CDK15: variants seen among roughly 807,000 people sequenced by gnomAD.
CDK15 encodes cyclin dependent kinase 15.
CDK15 carries 62 observed loss-of-function variants against 60.3 expected under a neutral mutation model. The observed-to-expected ratio is 1.03, with a 90% CI of 0.84 to 1.27. CDK15 has a LOEUF of 1.27. Among genes scored for constraint, CDK15 ranks in the 50% most tolerant of loss-of-function variants. CDK15 has a pLI of 0.00. For synonymous variants in CDK15, 194 were observed against 195.7 expected (o/e 0.99, Z 0.07); for missense variants, 541 against 527.8 (o/e 1.03, Z -0.25).
At chr2:201,875,729 T>A (rs1344445249) in intron 11 of CDK15, among the ~76,000 whole-genome samples, 1 of 152,242 alleles carries the variant, frequency 6.6e-6, no homozygotes, top group Non-Finnish European at 1.5e-5. Context: ...GATCCCATTT[T>A]TTTGTAAAAC....
chr2:201,826,728 G>A (rs1696526230), intron 6 of CDK15, among the ~76,000 whole-genome samples: 1 of 152,140 alleles, frequency 6.6e-6, no homozygotes, highest in Non-Finnish European at 1.5e-5. Flanking sequence ...TGAAATAAAT[G>A]GATGAGAAGA....
In CDK15 at chr2:201,810,884, G is replaced by A. The variant is rs1275438200; in HGVS notation, c.369-1599G>A. The stretch of plus-strand genomic sequence containing the variant: ...TTCTCAGATGGAGTCTCACTCTGTC[G>A]CCCAGGCTGGGGTGCAGTGGCGCAA... On this transcript the variant is annotated intron_variant, in intron 3 of 13. Transcript: ENST00000652192. Among the ~76,000 whole-genome samples the A allele has an allele frequency of 2.1e-4, 29 of 139,436 alleles. 1 individual carries two copies. The highest frequency in any genetic ancestry group is 6.1e-4 in the African/African-American group (22 of 36,220). 91.5% of individuals were successfully genotyped at this position (139,436 alleles called of 152,430 possible). A position where few individuals can be genotyped will look rare whatever the true frequency, so the allele number is the denominator to read the frequency against.
At chr2:201,889,338 A>T in intron 12 of CDK15, 1 of 985,280 alleles carries the variant, frequency 1.0e-6, no homozygotes, top group Non-Finnish European at 1.2e-6. Context: ...AATTTTGCGG[A>T]TGTGCTTTGG....
intron 8 of CDK15, among the ~76,000 whole-genome samples, chr2:201,843,145 A>C (rs1365347715): frequency 6.6e-6 from 1 of 152,226 alleles, no homozygotes; most frequent in Non-Finnish European, 1.5e-5. Context: ...ATTAAAAAAA[A>C]GAAACAGTTC....
At chr2:201,820,030 C>T (rs1397667018) in intron 4 of CDK15, among the ~76,000 whole-genome samples, 1 of 151,976 alleles carries the variant, frequency 6.6e-6, no homozygotes, top group Non-Finnish European at 1.5e-5. Flanking sequence ...ACAAATCATG[C>T]CATCATGATT....
intron 6 of CDK15, chr2:201,824,693 AC>A: frequency 2.5e-6 from 1 of 395,418 alleles, no homozygotes; most frequent in Non-Finnish European, 4.4e-6. Flanking sequence ...GGAATGGTGA[AC>A]CCAAGAGCCA....
intron 6 of CDK15, among the ~76,000 whole-genome samples, chr2:201,827,669 C>A (rs978426275): frequency 3.9e-5 from 6 of 152,156 alleles, no homozygotes; most frequent in African/African-American, 7.2e-5. Flanking sequence ...TGCAATGGTG[C>A]AGTCATGGCT....
chr2:201,836,190 T>TA lies in CDK15; in HGVS notation c.851+427_851+428insA, dbSNP rs372692228. ...TATATTTATATATTATATATATTTT[T>TA]TTATATATATATATATGTATTTTTT... is the stretch of plus-strand genomic sequence containing the variant. On this transcript the variant is annotated intron_variant, in intron 8 of 13. Coordinates refer to ENST00000652192, the MANE Select transcript of CDK15 (RefSeq NM_001366386.2). Among the ~76,000 whole-genome samples, 438 of 74,692 alleles carry TA rather than the reference T, an allele frequency of 5.9e-3. 6 individuals are homozygous for TA. The highest frequency in any genetic ancestry group is 0.01 in the South Asian group (27 of 2,632). The allele number at this position is 74,692 out of a possible 152,430, so 49.0% of individuals were successfully genotyped here.
intron 11 of CDK15, among the ~76,000 whole-genome samples, chr2:201,878,342 T>C (rs1699157528): frequency 6.6e-6 from 1 of 152,194 alleles, no homozygotes. Flanking sequence ...GCCAGCCAAC[T>C]GGCCTTGATT....
intron 11 of CDK15, among the ~76,000 whole-genome samples, chr2:201,873,007 C>A (rs1698916322): frequency 6.6e-6 from 1 of 152,142 alleles, no homozygotes. Flanking sequence ...GGGAAACGAG[C>A]TCAAATGTCA....
intron 11 of CDK15, among the ~76,000 whole-genome samples, chr2:201,874,757 T>C (rs1181851860): frequency 1.3e-5 from 2 of 152,206 alleles, no homozygotes; most frequent in Non-Finnish European, 2.9e-5. Flanking sequence ...ACTTTTTAGA[T>C]TGATTGGCAA....
intron 9 of CDK15, among the ~76,000 whole-genome samples, chr2:201,850,444 A>G (rs912453764): frequency 1.3e-5 from 2 of 152,126 alleles, no homozygotes; most frequent in African/African-American, 4.8e-5. Context: ...AGGACTCACA[A>G]TGGGCTAGGT....
intron 9 of CDK15, among the ~76,000 whole-genome samples, chr2:201,849,249 A>T (rs1697801148): frequency 6.6e-6 from 1 of 152,234 alleles, no homozygotes; most frequent in Non-Finnish European, 1.5e-5. Context: ...TAAATGCTCA[A>T]TAGATGCTTG....
At chr2:201,870,024 G>T (rs1311053086) in intron 10 of CDK15, among the ~76,000 whole-genome samples, 1 of 152,170 alleles carries the variant, frequency 6.6e-6, no homozygotes, top group Non-Finnish European at 1.5e-5. Context: ...GCCCACCTGG[G>T]ACTATAAAAT....
chr2:201,887,495 GT>G (rs1276173152), intron 12 of CDK15, among the ~76,000 whole-genome samples: 1 of 152,088 alleles, frequency 6.6e-6, no homozygotes, highest in African/African-American at 2.4e-5. Context: ...AAGGACCTGA[GT>G]TTTCTTCTTT....
At chr2:201,847,928 C>T (rs1559133197) in intron 9 of CDK15, among the ~76,000 whole-genome samples, 2 of 152,054 alleles carry the variant, frequency 1.3e-5, no homozygotes, top group African/African-American at 4.8e-5. Context: ...CCCAGGAGTT[C>T]GAGACCAGCC....
intron 12 of CDK15, chr2:201,888,702 C>G (rs1699544520): frequency 7.6e-7 from 1 of 1,308,154 alleles, no homozygotes; most frequent in South Asian, 2.1e-5. Flanking sequence ...CCAGCATGTT[C>G]TGCCAGATAG....
In CDK15 at chr2:201,860,968, G is replaced by C. The variant is rs537210412; in HGVS notation, c.1009+6031G>C. The C allele has an allele frequency of 4.9e-6, 6 of 1,225,340 alleles. No individual in the cohort carries two copies. In the East Asian group the frequency reaches 2.9e-4, roughly 59 times the overall value. The allele number at this position is 1,225,340 out of a possible 1,614,324, so 75.9% of individuals were successfully genotyped here. ...CTCAATGAGTTCTGAGCAAGTCTCT[G>C]TGTTTGCTGTGAGCACAAGCTAAGG... is the stretch of plus-strand genomic sequence containing the variant. On this transcript the variant is annotated intron_variant, in intron 10 of 13. Coordinates refer to ENST00000652192, the MANE Select transcript of CDK15 (RefSeq NM_001366386.2).
At chr2:201,854,689 A>G in intron 9 of CDK15, 185 bp from the exon 10 acceptor site, 1 of 587,422 alleles carries the variant, frequency 1.7e-6, no homozygotes, top group Non-Finnish European at 3.0e-6. Context: ...AGTTTTGCCC[A>G]AGAAACCACA....
Sources: gnomAD v4.1 joint callset for allele counts (sites outside exome capture counted in the v4.1 genomes callset) on GRCh38, gnomAD v4.1.1 for gene constraint, MANE v1.5 for transcripts, NCBI Gene and HGNC (gene_info 2026-07-23, HGNC 2026-07-21) for gene names.